Variants in MYRIP observed in about 807,000 individuals in gnomAD.
MYRIP encodes the protein myosin VIIA and Rab interacting protein.
In MYRIP, 49 loss-of-function variants were observed where a neutral mutation model predicts 98.0. The ratio of observed to expected loss-of-function variants is 0.50; its 90% CI spans 0.40 to 0.63. The LOEUF (loss-of-function observed/expected upper bound fraction) is 0.63. Ranked by LOEUF, MYRIP falls within the 30% of genes least tolerant of loss-of-function variation. The pLI, the probability that MYRIP is intolerant of heterozygous loss-of-function variation, is 0.00. For missense variants in MYRIP, 1,004 were observed against 1,058.2 expected (o/e 0.95, Z 0.71); for synonymous variants, 404 against 409.5 (o/e 0.99, Z 0.16).
chr3:40,126,537 G>A (rs1425912896), intron 3 of MYRIP, among the ~76,000 whole-genome samples: 2 of 152,156 alleles, frequency 1.3e-5, no homozygotes, highest in South Asian at 2.1e-4. Context: ...GAGGCACTGT[G>A]CTAATTCCCA....
rs979439389 is a variant in MYRIP at position 40,167,175 on chromosome 3, C to T, written c.665C>T (p.Ala222Val). Residue 222 changes from alanine (A) to valine (V), a missense_variant, in exon 7 of 17, where the codon GCC (alanine) becomes GTC (valine). Transcript: ENST00000302541. Reference sequence around the variant, plus strand: ...CCTCCTCAGGACAAGCAAAATGAGGCCAGTTACCTGCGGGACCACAAGGAG... The same window carrying T: ...CCTCCTCAGGACAAGCAAAATGAGGTCAGTTACCTGCGGGACCACAAGGAG... ...YGDSLDKQNE[A>V]SYLRDHKEEL... 1.2e-6 allele frequency: 2 copies of T among 1,614,150 alleles called. No homozygotes were observed. Among genetic ancestry groups the T allele is most frequent in the South Asian group, 1.1e-5 (1 of 91,082 alleles).
intron 3 of MYRIP, chr3:40,099,945 T>C: frequency 1.0e-6 from 1 of 965,160 alleles, no homozygotes. Context: ...TGTTGATGGA[T>C]TTTTCTCGGC....
At chr3:39,948,681 A>G (rs1275508744) in intron 2 of MYRIP, among the ~76,000 whole-genome samples, 1 of 152,090 alleles carries the variant, frequency 6.6e-6, no homozygotes, top group Non-Finnish European at 1.5e-5. Context: ...TGAGTGAGAG[A>G]GGCTAGCCAG....
chr3:39,940,255 T>C (rs979008049), intron 2 of MYRIP, among the ~76,000 whole-genome samples: 2 of 152,138 alleles, frequency 1.3e-5, no homozygotes, highest in African/African-American at 4.8e-5. Flanking sequence ...GGAGAATTTT[T>C]AATGATGAAT....
At chr3:39,874,111 G>T (rs1051825920) in intron 1 of MYRIP, among the ~76,000 whole-genome samples, 3 of 151,672 alleles carry the variant, frequency 2.0e-5, no homozygotes, top group African/African-American at 7.3e-5. Flanking sequence ...ATTGTGAATG[G>T]GAGTTCACTC....
In MYRIP at chr3:39,984,151, G is replaced by C. The variant is rs141525172; in HGVS notation, c.111-59899G>C. On this transcript the variant is annotated intron_variant, in intron 2 of 16. Transcript: ENST00000302541. ...GGCCAGGCCAACTTAGACAGACTAG[G>C]GAAAAGACTTTTCAGTCCAGGACAG... Among the ~76,000 whole-genome samples, 179 of 152,016 alleles carry C rather than the reference G, an allele frequency of 1.2e-3. 1 individual carries two copies. Among genetic ancestry groups the C allele is most frequent in the African/African-American group, 4.1e-3 (169 of 41,470 alleles).
At chr3:40,242,245 C>G (rs982114152) in intron 12 of MYRIP, 1 of 152,096 alleles carries the variant, frequency 6.6e-6, no homozygotes, top group Non-Finnish European at 1.5e-5. Context: ...GCCACTGGCT[C>G]AATAAATTAA....
chr3:39,976,269 A>G (rs988680946), intron 2 of MYRIP, among the ~76,000 whole-genome samples: 1 of 152,246 alleles, frequency 6.6e-6, no homozygotes, highest in African/African-American at 2.4e-5. Context: ...GAAGACATTT[A>G]TGCAGCCAAA....
At chr3:39,923,567 T>C (rs1051789768) in intron 2 of MYRIP, among the ~76,000 whole-genome samples, 1 of 152,088 alleles carries the variant, frequency 6.6e-6, no homozygotes, top group Non-Finnish European at 1.5e-5. Context: ...TTTGTGAAAA[T>C]ATTCTTTAGG....
At chr3:40,046,538 A>G (rs1449093814) in intron 3 of MYRIP, among the ~76,000 whole-genome samples, 1 of 147,860 alleles carries the variant, frequency 6.8e-6, no homozygotes, top group African/African-American at 2.5e-5. Flanking sequence ...AGATGTCCTA[A>G]AGGGGTTTCA....
chr3:40,144,087 T>A (rs1949964081), intron 3 of MYRIP, among the ~76,000 whole-genome samples: 2 of 152,214 alleles, frequency 1.3e-5, no homozygotes, highest in South Asian at 4.1e-4. Flanking sequence ...GGACTCTTGG[T>A]TGCAAATAAT....
chr3:39,991,786 T>G (rs1575444244), intron 2 of MYRIP, among the ~76,000 whole-genome samples: 1 of 152,180 alleles, frequency 6.6e-6, no homozygotes, highest in East Asian at 1.9e-4. Flanking sequence ...GCTTCTTTTT[T>G]CTGTAGCCCT....
intron 3 of MYRIP, 64 bp downstream of exon 3, chr3:40,044,335 C>T: frequency 6.7e-7 from 1 of 1,489,834 alleles, no homozygotes; most frequent in Non-Finnish European, 9.3e-7. Flanking sequence ...CTGCCACTTC[C>T]TTCAGTCAGG....
chr3:39,990,936 G>A (rs1946158748), intron 2 of MYRIP, among the ~76,000 whole-genome samples: 1 of 152,146 alleles, frequency 6.6e-6, no homozygotes, highest in South Asian at 2.1e-4. Context: ...TCACTCATAA[G>A]TGGGAGTTGA....
rs766477494 is a variant in MYRIP, at chr3:39,848,844, G to A, written c.-31+38928G>A. On this transcript the variant is annotated intron_variant, in intron 1 of 16. Coordinates refer to ENST00000302541, the MANE Select transcript of MYRIP (RefSeq NM_015460.4). ...ACGTGTTGCTAAATTTTTATGCCAC[G>A]AGAGAGGGAAACATTGTGAGTTTTA... 2.6e-4 allele frequency among the ~76,000 whole-genome samples: 40 copies of A among 152,222 alleles called. 1 individual carries two copies. Among genetic ancestry groups the A allele is most frequent in the Non-Finnish European group, 8.8e-5 (6 of 68,012 alleles).
intron 10 of MYRIP, among the ~76,000 whole-genome samples, chr3:40,209,651 G>A (rs1383969689): frequency 6.6e-6 from 1 of 151,832 alleles, no homozygotes; most frequent in Non-Finnish European, 1.5e-5. Context: ...TGAGTAAAGA[G>A]GATTACCTTC....
At chr3:39,874,414 C>G (rs200432806) in intron 1 of MYRIP, among the ~76,000 whole-genome samples, 23,063 of 150,200 alleles carry the variant, frequency 0.15, 3,329 homozygotes, top group African/African-American at 0.37. Context: ...TCCCTGTCTT[C>G]TGCCAGTTTT....
At chr3:39,976,723 G>T (rs559066036) in intron 2 of MYRIP, among the ~76,000 whole-genome samples, 6 of 152,226 alleles carry the variant, frequency 3.9e-5, no homozygotes, top group South Asian at 4.1e-4. Context: ...CCATAAAAAA[G>T]GATGAGTTCC....
intron 3 of MYRIP, among the ~76,000 whole-genome samples, chr3:40,106,713 T>C (rs1949056007): frequency 6.6e-6 from 1 of 152,136 alleles, no homozygotes; most frequent in Non-Finnish European, 1.5e-5. Context: ...TTCTAACAGA[T>C]TTTATTTTAT....
Sources: gnomAD v4.1 joint callset for allele counts (sites outside exome capture counted in the v4.1 genomes callset) on GRCh38, gnomAD v4.1.1 for gene constraint, MANE v1.5 for transcripts, NCBI Gene and HGNC (gene_info 2026-07-23, HGNC 2026-07-21) for gene names.